ANKRD12: variants seen among roughly 807,000 people sequenced by gnomAD.
The protein encoded by ANKRD12 is ankyrin repeat domain-containing protein 12.
ANKRD12 carries 85 observed loss-of-function variants against 183.4 expected under a neutral mutation model. That is an observed-to-expected ratio of 0.46 (90% CI 0.39 to 0.56). ANKRD12 has a LOEUF of 0.56. Among genes scored for constraint, ANKRD12 ranks in the 20% least tolerant of loss-of-function variants. The pLI is 0.00. For missense variants in ANKRD12, 2,405 were observed against 2,357.1 expected (o/e 1.02, Z -0.42); for synonymous variants, 914 against 800.2 (o/e 1.14, Z -2.40).
chr18:9,165,264 C>G (rs1350261105), intron 1 of ANKRD12, among the ~76,000 whole-genome samples: 1 of 152,052 alleles, frequency 6.6e-6, no homozygotes, highest in Non-Finnish European at 1.5e-5. Context: ...TTCCACCATC[C>G]CTTTATTTTG....
At chr18:9,178,859 C>T (rs1328438404) in intron 1 of ANKRD12, among the ~76,000 whole-genome samples, 1 of 151,968 alleles carries the variant, frequency 6.6e-6, no homozygotes, top group Non-Finnish European at 1.5e-5. Flanking sequence ...ATTGTACAGT[C>T]TTATATACTT....
chr18:9,239,696 A>G (rs1470712235), intron 8 of ANKRD12: 1 of 296,314 alleles, frequency 3.4e-6, no homozygotes, highest in South Asian at 3.0e-5. Context: ...ACATACTAAT[A>G]TATAATCATG....
At chr18:9,238,506 G>A (rs2037474533) in intron 8 of ANKRD12, among the ~76,000 whole-genome samples, 1 of 152,110 alleles carries the variant, frequency 6.6e-6, no homozygotes, top group Non-Finnish European at 1.5e-5. Flanking sequence ...CTTAATTAGT[G>A]TAACATCATT....
chr18:9,254,356 C>T lies in ANKRD12; in HGVS notation c.1089C>T (p.Phe363=), dbSNP rs1163069169. 1 of 1,611,402 alleles carries T rather than the reference C, an allele frequency of 6.2e-7. No homozygotes were observed. The highest frequency in any genetic ancestry group is 1.3e-5 in the African/African-American group (1 of 74,662). Reference sequence around the variant, plus strand: ...CATCTGCCCTTGATGAGTATGAGTTCAAAGATGATGATGATGAAGAAATTA... The same window carrying T: ...CATCTGCCCTTGATGAGTATGAGTTTAAAGATGATGATGATGAAGAAATTA... ...PLPSALDEYE[F]KDDDDEEINK... The change falls in exon 9 of 13, where the codon TTC becomes TTT. Residue 363 remains phenylalanine (F), a synonymous_variant. Coordinates refer to ENST00000262126, the MANE Select transcript of ANKRD12 (RefSeq NM_015208.5).
Position 9,257,301 on chromosome 18 carries a change from C to A in ANKRD12, c.4034C>A (p.Ser1345Tyr). 6.2e-7 allele frequency: 1 copy of A among 1,614,150 alleles called. No homozygotes were observed. Among genetic ancestry groups the A allele is most frequent in the Non-Finnish European group, 8.5e-7 (1 of 1,180,008 alleles). The change falls in exon 9 of 13, where the codon TCT becomes TAT. Residue 1345 changes from serine to tyrosine, a missense_variant. Ser to Tyr is a moderately radical substitution (Grantham distance 144, BLOSUM62 -2). Transcript: ENST00000262126. ...ACTGTGCCAGGAGATACTAGTCCTT[C>A]TCCCAAACCTGAGGTATTCTCAAAT... Reference protein sequence around the residue: ...LLTVPGDTSPSPKPEVFSNVP... With the variant: ...LLTVPGDTSPYPKPEVFSNVP...
chr18:9,249,468 G>T (rs73394171), intron 8 of ANKRD12, among the ~76,000 whole-genome samples: 2,031 of 152,256 alleles, frequency 0.013, 55 homozygotes, highest in African/African-American at 0.046. Context: ...CCTTTGAAAT[G>T]ATTCTAAACC....
intron 10 of ANKRD12, among the ~76,000 whole-genome samples, chr18:9,266,997 A>G (rs1490671099): frequency 2.0e-5 from 3 of 152,158 alleles, no homozygotes; most frequent in South Asian, 2.1e-4. Context: ...CTTGAAACCA[A>G]CAAAGATCAA....
chr18:9,220,969 G>A (rs2036389353), intron 7 of ANKRD12, among the ~76,000 whole-genome samples: 2 of 152,126 alleles, frequency 1.3e-5, no homozygotes, highest in Admixed American at 1.3e-4. Flanking sequence ...AGCTGCAAGG[G>A]CAGATGTCTT....
chr18:9,166,221 T>G (rs2032049587), intron 1 of ANKRD12, among the ~76,000 whole-genome samples: 1 of 152,170 alleles, frequency 6.6e-6, no homozygotes, highest in African/African-American at 2.4e-5. Flanking sequence ...TTTGTAATCC[T>G]TTGGGTATAT....
At chr18:9,219,267 T>C (rs2036284900) in intron 7 of ANKRD12, among the ~76,000 whole-genome samples, 1 of 152,196 alleles carries the variant, frequency 6.6e-6, no homozygotes, top group African/African-American at 2.4e-5. Flanking sequence ...TGTTTTCTCA[T>C]TCTAGGGCTC....
chr18:9,175,713 A>C (rs2033209657), intron 1 of ANKRD12, among the ~76,000 whole-genome samples: 1 of 151,306 alleles, frequency 6.6e-6, no homozygotes, highest in Non-Finnish European at 1.5e-5. Flanking sequence ...ATTTTAGTAG[A>C]GATGGGGTTT....
intron 1 of ANKRD12, among the ~76,000 whole-genome samples, chr18:9,179,620 A>G (rs776557977): frequency 5.9e-5 from 9 of 152,046 alleles, no homozygotes; most frequent in African/African-American, 2.2e-4. Flanking sequence ...GGCTCAAGCA[A>G]TCCTCCCACC....
At chr18:9,240,652 C>T (rs2144991859) in intron 8 of ANKRD12, among the ~76,000 whole-genome samples, 1 of 152,282 alleles carries the variant, frequency 6.6e-6, no homozygotes, top group East Asian at 1.9e-4. Flanking sequence ...CCATTTTCTA[C>T]CTTACCTTGT....
At chr18:9,242,256 A>G (rs944132546) in intron 8 of ANKRD12, among the ~76,000 whole-genome samples, 6 of 152,180 alleles carry the variant, frequency 3.9e-5, no homozygotes, top group Non-Finnish European at 7.4e-5. Context: ...TACCAAAGCT[A>G]ATAGGTTTTT....
At chr18:9,211,246 T>C (rs1382493930) in intron 5 of ANKRD12, among the ~76,000 whole-genome samples, 1 of 152,186 alleles carries the variant, frequency 6.6e-6, no homozygotes, top group Non-Finnish European at 1.5e-5. Context: ...GGTCTTAGAA[T>C]AATAGCATAA....
intron 1 of ANKRD12, among the ~76,000 whole-genome samples, chr18:9,153,650 T>G (rs2029938354): frequency 6.6e-6 from 1 of 152,226 alleles, no homozygotes; most frequent in African/African-American, 2.4e-5. Context: ...TTTCTCCATT[T>G]TCTTCTCTTT....
At chr18:9,138,496 A>G (rs576679456) in intron 1 of ANKRD12, among the ~76,000 whole-genome samples, 3 of 152,278 alleles carry the variant, frequency 2.0e-5, no homozygotes, top group African/African-American at 7.2e-5. Flanking sequence ...CTGGGCCACA[A>G]GAGCGAAACT....
At chr18:9,140,251 T>A (rs2078270007) in intron 1 of ANKRD12, among the ~76,000 whole-genome samples, 1 of 152,228 alleles carries the variant, frequency 6.6e-6, no homozygotes, top group South Asian at 2.1e-4. Context: ...GGTGATGTTA[T>A]TTTTAAAGAA....
At chr18:9,149,098 C>A (rs953481542) in intron 1 of ANKRD12, among the ~76,000 whole-genome samples, 3 of 152,162 alleles carry the variant, frequency 2.0e-5, no homozygotes, top group Non-Finnish European at 2.9e-5. Flanking sequence ...AAATTCCCTA[C>A]CCCTACCTCC....
Sources: gnomAD v4.1 joint callset for allele counts (sites outside exome capture counted in the v4.1 genomes callset) on GRCh38, gnomAD v4.1.1 for gene constraint, MANE v1.5 for transcripts, NCBI Gene and HGNC (gene_info 2026-07-23, HGNC 2026-07-21) for gene names.